Variants in SI observed in about 807,000 individuals in gnomAD.
SI encodes sucrase-isomaltase, also known as sucrase-isomaltase, intestinal.
A neutral mutation model predicts 253.3 loss-of-function variants in SI; 235 were observed. The observed-to-expected ratio is 0.93, with a 90% CI of 0.83 to 1.03. The LOEUF is 1.03. SI is among the 50% of genes least tolerant of loss of function. SI has a pLI of 0.00. For missense variants in SI, 2,442 were observed against 2,211.1 expected, an observed-to-expected ratio of 1.10 and a Z score of -2.09; for synonymous variants, 819 against 712.0, an observed-to-expected ratio of 1.15 and a Z score of -2.39.
chr3:164,983,730 C>T (rs903372254), intron 45 of SI, among the ~76,000 whole-genome samples: 11 of 152,026 alleles, frequency 7.2e-5, no homozygotes, highest in African/African-American at 2.7e-4. Flanking sequence ...GCTGGAACTA[C>T]AGGCATGCAC....
At chr3:165,087,935 A>G in the SI span, among the ~76,000 whole-genome samples, 3 of 152,348 alleles carry the variant, frequency 2.0e-5, no homozygotes, top group South Asian at 2.1e-4. Context: ...CAGAAGGTAT[A>G]CTACAGGAGA....
At chr3:165,061,683 C>A (rs1390342710) in intron 9 of SI, among the ~76,000 whole-genome samples, 1 of 151,786 alleles carries the variant, frequency 6.6e-6, no homozygotes. Flanking sequence ...ATTGTAACAC[C>A]AGGAATCATA....
intron 12 of SI, among the ~76,000 whole-genome samples, chr3:165,057,495 C>G (rs1713753382): frequency 6.6e-6 from 1 of 151,740 alleles, no homozygotes; most frequent in African/African-American, 2.4e-5. Context: ...ATATAGAACA[C>G]CAAGCAGATT....
At chr3:165,085,209 T>C in the SI span, among the ~76,000 whole-genome samples, 1 of 152,164 alleles carries the variant, frequency 6.6e-6, no homozygotes, top group African/African-American at 2.4e-5. Context: ...ACATTTACTT[T>C]ATCTTTTCTT....
In SI at chr3:164,979,407, T is replaced by C. The variant is rs1338208028; in HGVS notation, c.5439A>G (p.Thr1813=). Reference sequence around the variant, plus strand: ...TTGGTTCTTCTAGAGTAACATTGTGTGTGGTCAGATCAATACGTAATATCT... The same window carrying C: ...TTGGTTCTTCTAGAGTAACATTGTGCGTGGTCAGATCAATACGTAATATCT... ...TNMILRIDLT[T]HNVTLEEPIE... is the part of the protein sequence containing the mutation. Residue 1813 remains threonine (T), a synonymous_variant, in exon 48 of 48, where the codon ACA becomes ACG. Coordinates refer to ENST00000264382, the MANE Select transcript of SI (RefSeq NM_001041.4). The C allele has an allele frequency of 6.4e-7, 1 of 1,574,688 alleles. No homozygotes were observed. Among genetic ancestry groups the C allele is most frequent in the South Asian group, 1.1e-5 (1 of 90,310 alleles).
chr3:165,069,320 T>C lies in SI; in HGVS notation c.256-125A>G, dbSNP rs938377805. The stretch of plus-strand genomic sequence containing the variant: ...TTTTCAAATGTATAATATGCCAAAA[T>C]AGCATTTGCTCTTTTGTTTCTTCTA... On this transcript the variant is annotated intron_variant, in intron 3 of 47. Coordinates refer to ENST00000264382, the MANE Select transcript of SI (RefSeq NM_001041.4). 1.7e-5 allele frequency: 12 copies of C among 693,130 alleles called. No homozygotes were observed. The Middle Eastern group carries it at 1.5e-3, about 87-fold the overall frequency. 42.9% of individuals were successfully genotyped at this position (693,130 alleles called of 1,614,324 possible).
At position 165,055,051 on chromosome 3, in the gene SI, C is replaced by T. The variant is rs1408523416; in HGVS notation, c.1512+143G>A. On this transcript the variant is annotated intron_variant, in intron 13 of 47. Coordinates refer to ENST00000264382, the MANE Select transcript of SI (RefSeq NM_001041.4). Reference sequence around the variant, plus strand: ...TTATGCACACGATGGGTATATTTATCCATTCTGGGAAAAAACATTATAGTA... The same window carrying T: ...TTATGCACACGATGGGTATATTTATTCATTCTGGGAAAAAACATTATAGTA... 6.3e-5 allele frequency: 38 copies of T among 604,018 alleles called. No individual in the cohort carries two copies. In the East Asian group the frequency reaches 1.0e-3, roughly 16 times the overall value. The allele number at this position is 604,018 out of a possible 1,614,324, so 37.4% of individuals were successfully genotyped here.
intron 2 of SI, among the ~76,000 whole-genome samples, chr3:165,075,589 C>T (rs1457425837): frequency 2.0e-5 from 3 of 151,944 alleles, no homozygotes; most frequent in African/African-American, 4.8e-5. Flanking sequence ...TGAGATGATG[C>T]TCACACCAGT....
intron 34 of SI, among the ~76,000 whole-genome samples, chr3:165,011,407 A>T (rs1381812489): frequency 1.3e-5 from 2 of 152,006 alleles, no homozygotes; most frequent in African/African-American, 2.4e-5. Context: ...CGTATTTTTG[A>T]ATTGACTTAT....
intron 22 of SI, among the ~76,000 whole-genome samples, chr3:165,036,104 G>A (rs892909812): frequency 6.6e-6 from 1 of 151,574 alleles, no homozygotes; most frequent in Non-Finnish European, 1.5e-5. Context: ...GTATATCTGA[G>A]AATTTATTGA....
intron 44 of SI, among the ~76,000 whole-genome samples, chr3:164,988,059 G>A (rs941393387): frequency 2.6e-5 from 4 of 152,140 alleles, no homozygotes; most frequent in Admixed American, 6.6e-5. Context: ...CCTGCATAGG[G>A]CTACTTGTGA....
At chr3:165,054,275 A>G (rs140515396) in intron 13 of SI, among the ~76,000 whole-genome samples, 241 of 152,230 alleles carry the variant, frequency 1.6e-3, no homozygotes, top group African/African-American at 5.4e-3. Context: ...ACTTTTTCCA[A>G]ATTCTTGCCA....
At position 165,011,646 on chromosome 3, in the gene SI, TG is replaced by T. The variant is rs577671683; in HGVS notation, c.4062+1333del. Among the ~76,000 whole-genome samples, 103 of 151,860 alleles carry T rather than the reference TG, an allele frequency of 6.8e-4. 1 individual carries two copies. The highest frequency in any genetic ancestry group is 2.4e-3 in the African/African-American group (101 of 41,532). ...TTTGGCCTACGGTGTTGTTAAAAACTGCTGTTTCTTTGTTGATTTGCTCTCT... is the reference window on the plus strand; with the variant it reads ...TTTGGCCTACGGTGTTGTTAAAAACTCTGTTTCTTTGTTGATTTGCTCTCT... On this transcript the variant is annotated intron_variant, in intron 34 of 47. Coordinates refer to ENST00000264382, the MANE Select transcript of SI (RefSeq NM_001041.4).
chr3:165,014,737 T>C (rs1437195392), intron 33 of SI, among the ~76,000 whole-genome samples: 1 of 152,282 alleles, frequency 6.6e-6, no homozygotes, highest in South Asian at 2.1e-4. Flanking sequence ...AAGTTTTAAA[T>C]ATAAGTATAG....
chr3:165,006,846 T>C lies in SI; in HGVS notation c.4376A>G (p.Tyr1459Cys), dbSNP rs1373295777. ...AGTAGGTTTCATCTGTGACCATCCATAGAGATTGTGAACATCGTAATGCAA... is the reference window on the plus strand; with the variant it reads ...AGTAGGTTTCATCTGTGACCATCCACAGAGATTGTGAACATCGTAATGCAA... ...SVLHYDVHNLYGWSQMKPTHD... is the reference protein window; with the variant it reads ...SVLHYDVHNLCGWSQMKPTHD... The change falls in exon 37 of 48, where the codon TAT becomes TGT. Residue 1459 changes from tyrosine to cysteine, a missense_variant. Tyr to Cys is a radical substitution (Grantham distance 194). Coordinates refer to ENST00000264382, the MANE Select transcript of SI (RefSeq NM_001041.4). The C allele has an allele frequency of 1.9e-6, 3 of 1,612,794 alleles. No individual in the cohort carries two copies. The highest frequency in any genetic ancestry group is 1.7e-6 in the Non-Finnish European group (2 of 1,179,068).
At chr3:165,008,103 G>A (rs916008564) in intron 35 of SI, 105 bp from the exon 36 acceptor site, 3 of 624,446 alleles carry the variant, frequency 4.8e-6, no homozygotes, top group Admixed American at 4.5e-5. Context: ...TTTGAACAAT[G>A]TTATATATAC....
In SI at chr3:164,987,200, A is replaced by C; in HGVS notation, c.5135T>G (p.Val1712Gly). 6.2e-7 allele frequency: 1 copy of C among 1,613,744 alleles called. No individual in the cohort carries two copies. The highest frequency in any genetic ancestry group is 8.5e-7 in the Non-Finnish European group (1 of 1,179,778). The change falls in exon 45 of 48, where the codon GTT (valine) becomes GGT (glycine). Residue 1712 changes from valine (V) to glycine (G), a missense_variant. Coordinates refer to ENST00000264382, the MANE Select transcript of SI (RefSeq NM_001041.4). Reference protein sequence around the residue: ...YSRQKHMKLIVAADDNQMAQG... With the variant: ...YSRQKHMKLIGAADDNQMAQG... ...TGCCATCTGATTATCATCTGCAGCA[A>C]CAATGAGCTTCATGTGTTTTTGTCG...
intron 16 of SI, among the ~76,000 whole-genome samples, chr3:165,043,758 A>G (rs2108223990): frequency 6.6e-6 from 1 of 152,156 alleles, no homozygotes; most frequent in Middle Eastern, 3.4e-3. Flanking sequence ...GTGTAAGTAT[A>G]TATGTATCTA....
chr3:165,038,046 A>G (rs763180919), intron 20 of SI, 22 bp from the exon 21 acceptor site: 5 of 1,571,708 alleles, frequency 3.2e-6, no homozygotes, highest in Admixed American at 1.7e-5. Context: ...AAGATTAAAA[A>G]CATTCTTAAT....
Sources: gnomAD v4.1 joint callset for allele counts (sites outside exome capture counted in the v4.1 genomes callset) on GRCh38, gnomAD v4.1.1 for gene constraint, MANE v1.5 for transcripts, NCBI Gene and HGNC (gene_info 2026-07-23, HGNC 2026-07-21) for gene names.